The following SIRT1 variants were observed in gnomAD, a reference collection of about 807,000 sequenced individuals.
SIRT1 encodes the protein NAD-dependent protein deacetylase sirtuin-1.
A neutral mutation model predicts 67.9 loss-of-function variants in SIRT1; 24 were observed. The observed-to-expected ratio is 0.35, with a 90% CI of 0.26 to 0.50. SIRT1 has a LOEUF of 0.50. Among genes scored for constraint, SIRT1 ranks in the 20% least tolerant of loss-of-function variants. The pLI, the probability that SIRT1 is intolerant of heterozygous loss-of-function variation, is 0.98. For missense variants in SIRT1, 873 were observed against 937.2 expected (o/e 0.93, Z 0.89); for synonymous variants, 378 against 350.7 (o/e 1.08, Z -0.87).
chr10:67,914,059 A>ATTTT lies in SIRT1; in HGVS notation c.1915+1055_1915+1058dup, dbSNP rs57073724. 1.6e-3 allele frequency among the ~76,000 whole-genome samples: 142 copies of ATTTT among 88,248 alleles called. 12 individuals are homozygous for ATTTT. The highest frequency in any genetic ancestry group is 6.9e-3 in the African/African-American group (134 of 19,460). The allele number at this position is 88,248 out of a possible 152,430, so 57.9% of individuals were successfully genotyped here. On this transcript the variant is annotated intron_variant, in intron 8 of 8. Coordinates refer to ENST00000212015, the MANE Select transcript of SIRT1 (RefSeq NM_012238.5). ...GAACAAAACATCACACAAAAGGTAG[A>ATTTT]TTTTTTTTTTTTTTTTTTTTTTTTT... is the stretch of plus-strand genomic sequence containing the variant.
intron 6 of SIRT1, among the ~76,000 whole-genome samples, chr10:67,908,999 TC>T (rs758087550): frequency 3.2e-4 from 48 of 152,288 alleles, no homozygotes; most frequent in Non-Finnish European, 5.6e-4. Context: ...ATGTTTTTCC[TC>T]TTAATATATG....
Position 67,906,758 on chromosome 10 carries a change from T to C in SIRT1, c.943-32T>C, listed in dbSNP as rs7068097. The C allele has an allele frequency of 1.2e-3, 1,989 of 1,598,748 alleles. 26 individuals are homozygous for C. The African/African-American group carries it at 0.021, about 16-fold the overall frequency. ...TGACATCTGTAGTTTATTTCACTAA[T>C]GTAAATTTTTTCTACCATTTGCTTG... On this transcript the variant is annotated intron_variant, in intron 4 of 8. Coordinates refer to ENST00000212015, the MANE Select transcript of SIRT1 (RefSeq NM_012238.5).
At chr10:67,905,419 A>C (rs1261055706) in intron 4 of SIRT1, among the ~76,000 whole-genome samples, 2 of 152,212 alleles carry the variant, frequency 1.3e-5, no homozygotes, top group Non-Finnish European at 2.9e-5. Flanking sequence ...ATTTGTGATA[A>C]ATATTTGAAT....
chr10:67,910,944 A>G (rs1175506867), intron 7 of SIRT1, among the ~76,000 whole-genome samples: 2 of 152,202 alleles, frequency 1.3e-5, no homozygotes, highest in Non-Finnish European at 2.9e-5. Flanking sequence ...ATTAGACCCC[A>G]CATCAGCAGT....
Position 67,884,686 on chromosome 10 carries a change from G to A in SIRT1, c.-36G>A, listed in dbSNP as rs1242046324. On this transcript the variant is annotated 5_prime_UTR_variant, in exon 1 of 9. Transcript: ENST00000212015. ...TGCCGCGCGTCGAGCGGGAGCAGAGGAGGCGAGGGAGGAGGGCCAGAGAGG... is the reference window on the plus strand; with the variant it reads ...TGCCGCGCGTCGAGCGGGAGCAGAGAAGGCGAGGGAGGAGGGCCAGAGAGG... 4.1e-6 allele frequency: 5 copies of A among 1,227,158 alleles called. No homozygotes were observed. Among genetic ancestry groups the A allele is most frequent in the Admixed American group, 8.5e-5 (2 of 23,520 alleles). The allele number at this position is 1,227,158 out of a possible 1,614,324, so 76.0% of individuals were successfully genotyped here.
At chr10:67,914,030 T>C (rs1209803413) in intron 8 of SIRT1, among the ~76,000 whole-genome samples, 1 of 151,836 alleles carries the variant, frequency 6.6e-6, no homozygotes, top group African/African-American at 2.4e-5. Flanking sequence ...TTTATTATTG[T>C]TTTGAACAAA....
Position 67,912,553 on chromosome 10 carries a change from T to A in SIRT1, c.1437T>A (p.Leu479=), listed in dbSNP as rs1217392942. ...LPHLHFDVEL[L]GDCDVIINEL... ...ATCTGCATTTTGATGTAGAGCTTCT[T>A]GGAGACTGTGATGTCATAATTAATG... The change falls in exon 8 of 9, where the codon CTT becomes CTA. Residue 479 remains leucine (L), a synonymous_variant. Transcript: ENST00000212015. The A allele has an allele frequency of 1.2e-6, 2 of 1,614,182 alleles. No individual in the cohort carries two copies. Among genetic ancestry groups the A allele is most frequent in the South Asian group, 2.2e-5 (2 of 91,088 alleles).
intron 4 of SIRT1, among the ~76,000 whole-genome samples, chr10:67,892,708 T>C (rs1466366359): frequency 2.0e-5 from 3 of 152,084 alleles, no homozygotes; most frequent in African/African-American, 7.2e-5. Context: ...TTCAAGTGAT[T>C]CTCCTGCCTC....
intron 4 of SIRT1, among the ~76,000 whole-genome samples, chr10:67,899,734 A>G (rs1248902457): frequency 6.6e-6 from 1 of 152,100 alleles, no homozygotes; most frequent in East Asian, 1.9e-4. Flanking sequence ...ATTGATAGGT[A>G]TCTGCATTTT....
intron 4 of SIRT1, among the ~76,000 whole-genome samples, chr10:67,901,596 A>C (rs1842745962): frequency 6.6e-6 from 1 of 152,214 alleles, no homozygotes; most frequent in Admixed American, 6.5e-5. Context: ...TAAAAAACCC[A>C]GTCTTCAGCC....
At chr10:67,903,521 C>T (rs1225261259) in intron 4 of SIRT1, among the ~76,000 whole-genome samples, 1 of 151,866 alleles carries the variant, frequency 6.6e-6, no homozygotes, top group Non-Finnish European at 1.5e-5. Context: ...AGTAGTGGGA[C>T]TACAGGCACC....
rs930809097 is a variant in SIRT1 at position 67,885,065 on chromosome 10, C to G, written c.344C>G (p.Pro115Arg). The G allele has an allele frequency of 1.4e-6, 2 of 1,435,790 alleles. No homozygotes were observed. Among genetic ancestry groups the G allele is most frequent in the Non-Finnish European group, 1.8e-6 (2 of 1,087,526 alleles). 88.9% of individuals were successfully genotyped at this position (1,435,790 alleles called of 1,614,324 possible). Residue 115 changes from proline to arginine, a missense_variant, in exon 1 of 9, where the codon CCG becomes CGG. Physicochemically the swap from Pro to Arg is moderately radical, Grantham distance 103. Coordinates refer to ENST00000212015, the MANE Select transcript of SIRT1 (RefSeq NM_012238.5). ...CTGCAGGGCCCATCTCGGGAGCCAC[C>G]GCTGGCCGACAACTTGTACGACGAA... ...PGLQGPSREPPLADNLYDEDD... is the reference protein window; with the variant it reads ...PGLQGPSREPRLADNLYDEDD...
In SIRT1 at chr10:67,899,794, A is replaced by C. The variant is rs9971357; in HGVS notation, c.943-6996A>C. Among the ~76,000 whole-genome samples, 670 of 152,124 alleles carry C rather than the reference A, an allele frequency of 4.4e-3. 5 individuals are homozygous for C. Among genetic ancestry groups the C allele is most frequent in the African/African-American group, 0.015 (633 of 41,482 alleles). On this transcript the variant is annotated intron_variant, in intron 4 of 8. Coordinates refer to ENST00000212015, the MANE Select transcript of SIRT1 (RefSeq NM_012238.5). ...TTAAGGCAGTTTAAAAACTATAGTA[A>C]GTAAAAGAGGCCAGGTGCGGTGGCT... is the stretch of plus-strand genomic sequence containing the variant.
chr10:67,917,890 CATTT>C lies in SIRT1; in HGVS notation c.*1302_*1305del, dbSNP rs752339078. Reference sequence around the variant, plus strand: ...ATACTTTATGAAATTGCACAGTAAGCATTTATTTTTCAGACCATTTTTGAACATC... The same window carrying C: ...ATACTTTATGAAATTGCACAGTAAGCATTTTTCAGACCATTTTTGAACATC... On this transcript the variant is annotated 3_prime_UTR_variant, in exon 9 of 9. Transcript: ENST00000212015. 1.3e-5 allele frequency: 2 copies of C among 152,446 alleles called. No homozygotes were observed. Among genetic ancestry groups the C allele is most frequent in the Non-Finnish European group, 2.9e-5 (2 of 68,024 alleles). 9.4% of individuals were successfully genotyped at this position (152,446 alleles called of 1,614,324 possible).
rs61666042 is a variant in SIRT1 at position 67,916,790 on chromosome 10, CTTT to C, written c.*207_*209del. On this transcript the variant is annotated 3_prime_UTR_variant, in exon 9 of 9. Transcript: ENST00000212015. ...TGTACTTGTACAAACTCAACACTAACTTTTTTTTTTTTAAAAAAAAAAAGGTAC... is the reference window on the plus strand; with the variant it reads ...TGTACTTGTACAAACTCAACACTAACTTTTTTTTTAAAAAAAAAAAGGTAC... 16 of 273,988 alleles carry C rather than the reference CTTT, an allele frequency of 5.8e-5. No individual in the cohort carries two copies. Among genetic ancestry groups the C allele is most frequent in the Non-Finnish European group, 1.0e-4 (15 of 148,390 alleles). 17.0% of individuals were successfully genotyped at this position (273,988 alleles called of 1,614,324 possible).
At chr10:67,912,345 G>T (rs1842912793) in intron 7 of SIRT1, 129 bp from the exon 8 acceptor site, 3 of 741,796 alleles carry the variant, frequency 4.0e-6, no homozygotes, top group Non-Finnish European at 2.2e-6. Flanking sequence ...TAAGTATTTA[G>T]TGCATGGGTC....
chr10:67,900,113 T>C (rs1842718978), intron 4 of SIRT1, among the ~76,000 whole-genome samples: 1 of 152,126 alleles, frequency 6.6e-6, no homozygotes, highest in Admixed American at 6.6e-5. Flanking sequence ...AATAAAATTA[T>C]AAAAATAAAG....
intron 6 of SIRT1, 75 bp from the exon 7 acceptor site, chr10:67,909,181 A>T (rs928357346): frequency 5.3e-5 from 51 of 966,730 alleles, no homozygotes; most frequent in Non-Finnish European, 7.8e-5. Flanking sequence ...TCTTAGAGGT[A>T]TGGAAATGTT....
Position 67,916,284 on chromosome 10 carries a change from G to A in SIRT1, c.1935G>A (p.Leu645=). The A allele has an allele frequency of 6.3e-7, 1 of 1,596,748 alleles. No homozygotes were observed. Among genetic ancestry groups the A allele is most frequent in the Non-Finnish European group, 8.6e-7 (1 of 1,167,064 alleles). Residue 645 remains leucine, a synonymous_variant, in exon 9 of 9, where the codon TTG becomes TTA. Transcript: ENST00000212015. ...RRLDGNQYLF[L]PPNRYIFHGA... ...TTTCAGGTAATCAGTATCTGTTTTTGCCACCAAATCGTTACATTTTCCATG... is the reference window on the plus strand; with the variant it reads ...TTTCAGGTAATCAGTATCTGTTTTTACCACCAAATCGTTACATTTTCCATG...
Sources: allele counts gnomAD v4.1 joint callset (sites outside exome capture counted in the v4.1 genomes callset), GRCh38; gene constraint gnomAD v4.1.1; transcripts MANE v1.5; gene names NCBI Gene and HGNC (gene_info 2026-07-23, HGNC 2026-07-21).